TCF4: variants seen among roughly 807,000 people sequenced by gnomAD.
TCF4 encodes the protein SL3-3 enhancer factor 2.
A neutral mutation model predicts 82.1 loss-of-function variants in TCF4; 3 were observed. The observed-to-expected ratio is 0.04, with a 90% CI of 0.02 to 0.09. The LOEUF (loss-of-function observed/expected upper bound fraction) is 0.09, where lower values mean the gene tolerates loss of function less well. TCF4 is among the 10% of genes least tolerant of loss of function. The pLI, the probability that TCF4 is intolerant of heterozygous loss-of-function variation, is 1.00. For missense variants in TCF4, 518 were observed against 852.7 expected, an observed-to-expected ratio of 0.61 and a Z score of 4.89; for synonymous variants, 276 against 309.6, an observed-to-expected ratio of 0.89 and a Z score of 1.14.
At chr18:55,457,092 T>C (rs2095773758) in intron 5 of TCF4, among the ~76,000 whole-genome samples, 1 of 152,204 alleles carries the variant, frequency 6.6e-6, no homozygotes, top group African/African-American at 2.4e-5. Context: ...AGTATATGAA[T>C]TGGTCAATGT....
intron 8 of TCF4, among the ~76,000 whole-genome samples, chr18:55,342,604 T>G (rs1569097365): frequency 6.6e-6 from 1 of 152,202 alleles, no homozygotes; most frequent in South Asian, 2.1e-4. Flanking sequence ...TCAGCTTTAG[T>G]AGTAACGCAA....
chr18:55,453,476 T>C (rs1375692456), intron 5 of TCF4, among the ~76,000 whole-genome samples: 3 of 152,248 alleles, frequency 2.0e-5, no homozygotes, highest in African/African-American at 7.2e-5. Context: ...ATCTTCTCTT[T>C]GGGTCAATAA....
At chr18:55,490,937 T>G (rs1217618043) in intron 3 of TCF4, among the ~76,000 whole-genome samples, 3 of 152,182 alleles carry the variant, frequency 2.0e-5, no homozygotes. Flanking sequence ...TGGAACAGTA[T>G]TAATGGAAAG....
chr18:55,579,129 T>A (rs1568447983), intron 3 of TCF4, among the ~76,000 whole-genome samples: 1 of 151,002 alleles, frequency 6.6e-6, no homozygotes, highest in Non-Finnish European at 1.5e-5. Flanking sequence ...AAAGTGTTAA[T>A]CTTCTCCAAA....
rs71674214 is a variant in TCF4, at chr18:55,226,273, AT to A, written c.*1761del. On this transcript the variant is annotated 3_prime_UTR_variant, in exon 20 of 20. Coordinates refer to ENST00000354452, the MANE Select transcript of TCF4 (RefSeq NM_001083962.2). ...AGGTGGAAAAACTACTTGAACAGGG[AT>A]TTTTTTTTTTCTTAATACATGCCAA... The A allele has an allele frequency of 0.37, 56,368 of 150,710 alleles. 10,490 individuals are homozygous for A. The highest frequency in any genetic ancestry group is 0.43 in the Middle Eastern group (123 of 288). The allele number at this position is 150,710 out of a possible 1,614,324, so 9.3% of individuals were successfully genotyped here.
At chr18:55,238,233 A>T (rs1435821946) in intron 15 of TCF4, among the ~76,000 whole-genome samples, 1 of 152,228 alleles carries the variant, frequency 6.6e-6, no homozygotes, top group Non-Finnish European at 1.5e-5. Context: ...CTAAAGTTAA[A>T]AGCCAGCTTA....
chr18:55,423,932 AG>A (rs1207971921), intron 5 of TCF4, among the ~76,000 whole-genome samples: 1 of 152,146 alleles, frequency 6.6e-6, no homozygotes, highest in African/African-American at 2.4e-5. Context: ...AGGGGAGATG[AG>A]GACAGGGGCT....
chr18:55,635,918 A>G lies in TCF4; in HGVS notation c.-21T>C, dbSNP rs781607073. The stretch of plus-strand genomic sequence containing the variant: ...AACATGGTGTTGTTCCTTTGGCCGC[A>G]TAAGTGCCAATCTACAAGAAAGGTG... On this transcript the variant is annotated 5_prime_UTR_variant, in exon 1 of 21. Coordinates refer to the TCF4 transcript ENST00000398339. 1.1e-5 allele frequency: 17 copies of G among 1,574,876 alleles called. No homozygotes were observed. The Admixed American group carries it at 1.7e-4, about 15-fold the overall frequency.
chr18:55,299,162 G>A (rs998768589), intron 8 of TCF4, among the ~76,000 whole-genome samples: 1 of 152,162 alleles, frequency 6.6e-6, no homozygotes, highest in African/African-American at 2.4e-5. Flanking sequence ...TATAATCCCA[G>A]CACTTTGGGA....
intron 6 of TCF4, among the ~76,000 whole-genome samples, chr18:55,384,527 A>C (rs1464273522): frequency 6.6e-6 from 1 of 152,218 alleles, no homozygotes; most frequent in Non-Finnish European, 1.5e-5. Context: ...TAGGGAAAGA[A>C]ATCCCTGCAG....
intron 2 of TCF4, among the ~76,000 whole-genome samples, chr18:55,631,056 T>TC (rs1349792783): frequency 6.6e-6 from 1 of 151,544 alleles, no homozygotes; most frequent in Admixed American, 6.6e-5. Flanking sequence ...AATGGGTTTT[T>TC]TTTTTTTTTT....
intron 3 of TCF4, among the ~76,000 whole-genome samples, chr18:55,571,454 C>T (rs886403939): frequency 1.3e-5 from 2 of 152,132 alleles, no homozygotes; most frequent in African/African-American, 4.8e-5. Flanking sequence ...GGGAACAAAC[C>T]CACAGGCCGG....
rs180738365 is a variant in TCF4, at chr18:55,450,454, T to C, written c.304+10565A>G. Among the ~76,000 whole-genome samples the C allele has an allele frequency of 3.4e-3, 523 of 152,344 alleles. 1 individual carries two copies. The highest frequency in any genetic ancestry group is 7.6e-3 in the Admixed American group (116 of 15,304). ...TAATTTAATCTCAACCTATGCTCCA[T>C]ATATTTTGCAATTGTTAGTTCCTAG... On this transcript the variant is annotated intron_variant, in intron 5 of 19. Coordinates refer to ENST00000354452, the MANE Select transcript of TCF4 (RefSeq NM_001083962.2).
intron 5 of TCF4, among the ~76,000 whole-genome samples, chr18:55,407,089 G>A (rs56102710): frequency 0.084 from 12,693 of 152,010 alleles, 1,223 homozygotes; most frequent in African/African-American, 0.23. Context: ...TGCGGGGGGC[G>A]GGGGGAGATT....
chr18:55,376,701 A>G, intron 6 of TCF4, among the ~76,000 whole-genome samples: 1 of 152,182 alleles, frequency 6.6e-6, no homozygotes, highest in East Asian at 1.9e-4. Flanking sequence ...CTGGCATGCC[A>G]ATGTCCCACA....
chr18:55,567,794 T>A (rs560234517), intron 3 of TCF4, among the ~76,000 whole-genome samples: 1 of 151,940 alleles, frequency 6.6e-6, no homozygotes, highest in South Asian at 2.1e-4. Context: ...CACATTCTTC[T>A]GAAGCACACA....
chr18:55,350,278 T>C, intron 8 of TCF4, 81 bp downstream of exon 8: 2 of 1,457,514 alleles, frequency 1.4e-6, no homozygotes, highest in East Asian at 2.3e-5. Flanking sequence ...GCATGGAAAC[T>C]CATTTACTTC....
chr18:55,235,709 C>T (rs1160349006), intron 15 of TCF4, among the ~76,000 whole-genome samples: 3 of 152,078 alleles, frequency 2.0e-5, no homozygotes, highest in Non-Finnish European at 4.4e-5. Context: ...TTTCTATTTC[C>T]AAGTATTTTC....
chr18:55,326,020 C>T (rs2076493804), intron 8 of TCF4, among the ~76,000 whole-genome samples: 1 of 152,124 alleles, frequency 6.6e-6, no homozygotes, highest in South Asian at 2.1e-4. Flanking sequence ...ATAACTAGTA[C>T]TCTGTGGCAG....
Sources: gnomAD v4.1 joint callset for allele counts (sites outside exome capture counted in the v4.1 genomes callset) on GRCh38, gnomAD v4.1.1 for gene constraint, MANE v1.5 for transcripts, NCBI Gene and HGNC (gene_info 2026-07-23, HGNC 2026-07-21) for gene names.